The following SLC5A5 variants were observed in gnomAD, a reference collection of about 807,000 sequenced individuals.
SLC5A5 encodes the protein solute carrier family 5 member 5.
A neutral mutation model predicts 68.6 loss-of-function variants in SLC5A5; 56 were observed. The observed-to-expected ratio is 0.82, with a 90% confidence interval of 0.66 to 1.02. The LOEUF is 1.02. SLC5A5 is among the 50% of genes least tolerant of loss of function. The pLI is 0.00. For synonymous variants in SLC5A5, 398 were observed against 373.0 expected, an observed-to-expected ratio of 1.07 and a Z score of -0.77; for missense variants, 807 against 859.8, an observed-to-expected ratio of 0.94 and a Z score of 0.77.
At chr19:17,879,655 G>T (rs981420854) in intron 7 of SLC5A5, among the ~76,000 whole-genome samples, 2 of 152,150 alleles carry the variant, frequency 1.3e-5, no homozygotes, top group African/African-American at 4.8e-5. Context: ...GGGTACGGGG[G>T]ACCACCCCAT....
intron 12 of SLC5A5, among the ~76,000 whole-genome samples, chr19:17,884,390 C>A (rs1340828746): frequency 6.6e-6 from 1 of 150,480 alleles, no homozygotes; most frequent in East Asian, 1.9e-4. Context: ...TTCAACCTCT[C>A]AGGCTCAAGC....
rs58081153 is a variant in SLC5A5, at chr19:17,892,652, CAGAGAGAGAGAGAGAGAG to C, written c.1768-1032_1768-1015del. ...GACACTGTCAGAAAGAAAGAAAAGACAGAGAGAGAGAGAGAGAGAGAGAGAGAGAGAGAGAGAGAGAGA... is the reference window on the plus strand; with the variant it reads ...GACACTGTCAGAAAGAAAGAAAAGACAGAGAGAGAGAGAGAGAGAGAGAGA... On this transcript the variant is annotated intron_variant, in intron 14 of 14. Coordinates refer to ENST00000222248, the MANE Select transcript of SLC5A5 (RefSeq NM_000453.3). Among the ~76,000 whole-genome samples the C allele has an allele frequency of 4.1e-3, 398 of 97,400 alleles. 2 individuals are homozygous for C. Among genetic ancestry groups the C allele is most frequent in the African/African-American group, 0.012 (337 of 28,370 alleles). The allele number at this position is 97,400 out of a possible 152,430, so 63.9% of individuals were successfully genotyped here.
At chr19:17,892,106 G>A (rs777743343) in intron 14 of SLC5A5, among the ~76,000 whole-genome samples, 2 of 151,660 alleles carry the variant, frequency 1.3e-5, no homozygotes, top group South Asian at 4.1e-4. Context: ...CCAGCCTGTC[G>A]AACATGGCAA....
At chr19:17,885,420 C>A (rs2094331077) in intron 12 of SLC5A5, among the ~76,000 whole-genome samples, 1 of 151,974 alleles carries the variant, frequency 6.6e-6, no homozygotes, top group Non-Finnish European at 1.5e-5. Flanking sequence ...CACTCTAACA[C>A]CCAGGCTGGA....
intron 8 of SLC5A5, 44 bp downstream of exon 8, chr19:17,880,997 G>A (rs1373283465): frequency 6.9e-7 from 1 of 1,442,522 alleles, no homozygotes; most frequent in South Asian, 1.1e-5. Context: ...TCAGCCCCTG[G>A]GAGCCTCCTT....
In SLC5A5 at chr19:17,893,710, C is replaced by T. The variant is rs967261779; in HGVS notation, c.1768-3C>T. ...GGGGTCTCTTTTTCCCACTTTTCCCCAGGGTCCTGAAGAACTCCCCACTGG... is the reference window on the plus strand; with the variant it reads ...GGGGTCTCTTTTTCCCACTTTTCCCTAGGGTCCTGAAGAACTCCCCACTGG... On this transcript the variant is annotated splice_polypyrimidine_tract_variant and splice_region_variant and intron_variant, in intron 14 of 14. Transcript: ENST00000222248. The T allele has an allele frequency of 1.2e-5, 20 of 1,613,462 alleles. 1 individual carries two copies. The Admixed American group carries it at 3.3e-4, about 27-fold the overall frequency.
rs766425270 is a variant in SLC5A5 at position 17,878,107 on chromosome 19, A to C, written c.969+14A>C. The C allele has an allele frequency of 1.5e-5, 24 of 1,609,212 alleles. No homozygotes were observed. The highest frequency in any genetic ancestry group is 1.8e-5 in the Non-Finnish European group (21 of 1,179,970). ...GCCCCAGACCAGGTGAGTCCCACCC[A>C]GGCTCCTGGTTGGCTCTGCACTCCC... On this transcript the variant is annotated intron_variant, in intron 7 of 14. Transcript: ENST00000222248.
rs958998692 is a variant in SLC5A5, at chr19:17,883,880, G to A, written c.1360G>A (p.Ala454Thr). The A allele has an allele frequency of 2.5e-6, 4 of 1,580,388 alleles. No individual in the cohort carries two copies. The change falls in exon 12 of 15, where the codon GCG becomes ACG. Residue 454 changes from alanine (A) to threonine (T), a missense_variant. Transcript: ENST00000222248. ...CCTCGCGGGACTAGGCGCGGGCTTG[G>A]CGCTGTCGCTGTGGGTGGCCTTGGG... ...GVLAGLGAGL[A>T]LSLWVALGAT...
At position 17,893,749 on chromosome 19, in the gene SLC5A5, C is replaced by A; in HGVS notation, c.1804C>A (p.Pro602Thr). 2 of 1,613,966 alleles carry A rather than the reference C, an allele frequency of 1.2e-6. No individual in the cohort carries two copies. Among genetic ancestry groups the A allele is most frequent in the South Asian group, 1.1e-5 (1 of 91,028 alleles). Residue 602 changes from proline (P) to threonine (T), a missense_variant, in exon 15 of 15, where the codon CCT becomes ACT. Transcript: ENST00000222248. ...EELPTGNKKP[P>T]GFLPTNEDRL... is the part of the protein sequence containing the mutation. ...ACTCCCCACTGGAAACAAGAAGCCC[C>A]CTGGCTTCCTGCCCACCAATGAGGA...
chr19:17,884,647 C>T (rs1309140526), intron 12 of SLC5A5, among the ~76,000 whole-genome samples: 1 of 151,620 alleles, frequency 6.6e-6, no homozygotes, highest in South Asian at 2.1e-4. Context: ...GTGGCAGGTG[C>T]CTGTAATCCC....
chr19:17,890,302 G>A (rs1276100364), intron 13 of SLC5A5, among the ~76,000 whole-genome samples: 1 of 152,108 alleles, frequency 6.6e-6, no homozygotes, highest in Non-Finnish European at 1.5e-5. Context: ...AACTCCTGAC[G>A]TCAAGTGATC....
rs574898785 is a variant in SLC5A5 at position 17,885,391 on chromosome 19, T to C, written c.1526+1345T>C. On this transcript the variant is annotated intron_variant, in intron 12 of 14. Coordinates refer to ENST00000222248, the MANE Select transcript of SLC5A5 (RefSeq NM_000453.3). The stretch of plus-strand genomic sequence containing the variant: ...GTTTTTTTGCTTTTTGTTTATTTGA[T>C]TTTTTGGAGACAGGGTCTCACTCTA... 1.3e-4 allele frequency among the ~76,000 whole-genome samples: 20 copies of C among 152,004 alleles called. No individual in the cohort carries two copies. The East Asian group carries it at 3.7e-3, about 28-fold the overall frequency.
chr19:17,882,338 G>GTTTT, intron 10 of SLC5A5, 119 bp downstream of exon 10: 3 of 662,962 alleles, frequency 4.5e-6, no homozygotes, highest in Middle Eastern at 4.3e-4. Context: ...TCACTTCTAT[G>GTTTT]TTTTTTTTTT....
chr19:17,889,079 G>GTA (rs767456493), intron 13 of SLC5A5, among the ~76,000 whole-genome samples: 106 of 150,896 alleles, frequency 7.0e-4, no homozygotes, highest in Admixed American at 2.0e-3. Flanking sequence ...AAAAGAAAGT[G>GTA]TATATATATA....
At chr19:17,874,036 G>A in intron 1 of SLC5A5, 102 bp from the exon 2 acceptor site, 1 of 822,388 alleles carries the variant, frequency 1.2e-6, no homozygotes, top group East Asian at 2.6e-5. Flanking sequence ...GGCGCGGTTG[G>A]CTTCCGGAGG....
chr19:17,876,082 AC>A lies in SLC5A5; in HGVS notation c.676del (p.His226ThrfsTer36). On this transcript the variant is annotated frameshift_variant, in exon 5 of 15. Coordinates refer to ENST00000222248, the MANE Select transcript of SLC5A5 (RefSeq NM_000453.3). ...CGCCAGGTGCTCACGCTGGCCCAGA[AC>A]CACTCCCGGATCAACCTCATGGAGT... ...GPRQVLTLAQ[N>X]HSRINLMDFN... is the part of the protein sequence containing the mutation. The A allele has an allele frequency of 3.1e-6, 5 of 1,614,112 alleles. No individual in the cohort carries two copies. Among genetic ancestry groups the A allele is most frequent in the Non-Finnish European group, 3.4e-6 (4 of 1,180,016 alleles).
Position 17,891,733 on chromosome 19 carries a change from C to T in SLC5A5, c.1767+732C>T, listed in dbSNP as rs916118671. On this transcript the variant is annotated intron_variant, in intron 14 of 14. Transcript: ENST00000222248. ...ATAAGAAACACAACAGATGGTAAACCGATTTTGGCTAAAACCGCGTGGTTG... is the reference window on the plus strand; with the variant it reads ...ATAAGAAACACAACAGATGGTAAACTGATTTTGGCTAAAACCGCGTGGTTG... 2.0e-5 allele frequency among the ~76,000 whole-genome samples: 3 copies of T among 152,124 alleles called. No individual in the cohort carries two copies. In the East Asian group the frequency reaches 5.8e-4, roughly 29 times the overall value.
At chr19:17,886,677 G>A (rs551161389) in intron 12 of SLC5A5, among the ~76,000 whole-genome samples, 1 of 152,120 alleles carries the variant, frequency 6.6e-6, no homozygotes, top group Non-Finnish European at 1.5e-5. Flanking sequence ...ATTCCGACCA[G>A]CAACATATGA....
At chr19:17,891,334 T>G (rs2030162257) in intron 14 of SLC5A5, among the ~76,000 whole-genome samples, 1 of 152,078 alleles carries the variant, frequency 6.6e-6, no homozygotes, top group Non-Finnish European at 1.5e-5. Context: ...GCCTCCTGAG[T>G]AGTTGCTACT....
Sources: allele counts gnomAD v4.1 joint callset (sites outside exome capture counted in the v4.1 genomes callset), GRCh38; gene constraint gnomAD v4.1.1; transcripts MANE v1.5; gene names NCBI Gene and HGNC (gene_info 2026-07-23, HGNC 2026-07-21).